The following AVPR1B variants were observed in gnomAD, a reference collection of about 807,000 sequenced individuals.
The protein encoded by AVPR1B is vasopressin V1b receptor.
A neutral mutation model predicts 27.5 loss-of-function variants in AVPR1B; 25 were observed. That is an observed-to-expected ratio of 0.91 (90% CI 0.66 to 1.27). AVPR1B has a LOEUF of 1.27. Among genes scored for constraint, AVPR1B ranks in the 50% most tolerant of loss-of-function variants. The pLI is 0.00. For missense variants in AVPR1B, 595 were observed against 556.9 expected (o/e 1.07, Z -0.69); for synonymous variants, 248 against 240.2 (o/e 1.03, Z -0.30).
Position 206,107,081 on chromosome 1 carries a change from A to T in AVPR1B, c.*3108T>A, listed in dbSNP as rs1663292187. ...ACAAAACACAGACACATTATCTGGG[A>T]AAGTACTGGCCTGTGCCAAACAACA... On this transcript the variant is annotated 3_prime_UTR_variant, in exon 2 of 2. Coordinates refer to ENST00000367126, the MANE Select transcript of AVPR1B (RefSeq NM_000707.5). 6.6e-6 allele frequency among the ~76,000 whole-genome samples: 1 copy of T among 152,228 alleles called. No individual in the cohort carries two copies. Among genetic ancestry groups the T allele is most frequent in the Admixed American group, 6.5e-5 (1 of 15,288 alleles).
In AVPR1B at chr1:206,107,214, A is replaced by G. The variant is rs554706648; in HGVS notation, c.*2975T>C. ...TTGTACATAGGTTTTAAGGGACTAA[A>G]GTACTGTCATTCACAGTCACAGGAT... On this transcript the variant is annotated 3_prime_UTR_variant, in exon 2 of 2. Transcript: ENST00000367126. 5.9e-5 allele frequency among the ~76,000 whole-genome samples: 9 copies of G among 152,312 alleles called. No homozygotes were observed. The South Asian group carries it at 1.9e-3, about 32-fold the overall frequency.
intron 1 of AVPR1B, among the ~76,000 whole-genome samples, chr1:206,113,380 G>A (rs1380076625): frequency 2.0e-5 from 3 of 152,212 alleles, no homozygotes; most frequent in African/African-American, 7.2e-5. Context: ...GGCATGCAGA[G>A]GAGGGGAACT....
intron 1 of AVPR1B, among the ~76,000 whole-genome samples, chr1:206,110,935 A>G (rs1663366477): frequency 6.6e-6 from 1 of 152,316 alleles, no homozygotes; most frequent in African/African-American, 2.4e-5. Flanking sequence ...AGGGAAAATA[A>G]CCAAGCTCAG....
chr1:206,111,458 A>T (rs1348107142), intron 1 of AVPR1B, among the ~76,000 whole-genome samples: 1 of 152,230 alleles, frequency 6.6e-6, no homozygotes, highest in East Asian at 1.9e-4. Flanking sequence ...TGGCATACTG[A>T]GTCACCTCAC....
intron 1 of AVPR1B, among the ~76,000 whole-genome samples, chr1:206,112,551 G>A (rs1340135629): frequency 2.0e-5 from 3 of 152,122 alleles, no homozygotes; most frequent in Non-Finnish European, 4.4e-5. Flanking sequence ...GTGTGATTAT[G>A]GCTCACTGCA....
In AVPR1B at chr1:206,116,321, G is replaced by A. The variant is rs782800538; in HGVS notation, c.570C>T (p.Phe190=). 30 of 1,613,544 alleles carry A rather than the reference G, an allele frequency of 1.9e-5. No homozygotes were observed. The highest frequency in any genetic ancestry group is 2.4e-5 in the Non-Finnish European group (28 of 1,180,038). ...AGGCCCGTGGCCCCCAAGGGAAGCC[G>A]AAGTCTGCCCAGCAGTCCAGCACCC... is the stretch of plus-strand genomic sequence containing the variant. ...GSGVLDCWAD[F]GFPWGPRAYL... Residue 190 remains phenylalanine (F), a synonymous_variant, in exon 1 of 2, where the codon TTC becomes TTT. Coordinates refer to ENST00000367126, the MANE Select transcript of AVPR1B (RefSeq NM_000707.5).
At chr1:206,114,997 C>T (rs551082144) in intron 1 of AVPR1B, among the ~76,000 whole-genome samples, 9 of 152,300 alleles carry the variant, frequency 5.9e-5, no homozygotes, top group Admixed American at 5.2e-4. Flanking sequence ...TCAGACCAAT[C>T]CAGTAAGGGG....
Position 206,116,021 on chromosome 1 carries a change from G to A in AVPR1B, c.870C>T (p.Tyr290=). 6.2e-7 allele frequency: 1 copy of A among 1,614,212 alleles called. No individual in the cohort carries two copies. Among genetic ancestry groups the A allele is most frequent in the East Asian group, 2.2e-5 (1 of 44,888 alleles). The part of the protein sequence containing the change: ...VKMTFVIVLA[Y]IACWAPFFSV... The stretch of plus-strand genomic sequence containing the variant: ...TGAAGAAGGGAGCCCAGCAAGCGAT[G>A]TAGGCCAGCACGATGACAAAGGTCA... The change falls in exon 1 of 2, where the codon TAC becomes TAT. Residue 290 remains tyrosine (Y), a synonymous_variant. Transcript: ENST00000367126.
At position 206,107,668 on chromosome 1, in the gene AVPR1B, CA is replaced by C. The variant is rs1488658951; in HGVS notation, c.*2520del. On this transcript the variant is annotated 3_prime_UTR_variant, in exon 2 of 2. Transcript: ENST00000367126. Reference sequence around the variant, plus strand: ...TTGTGCAATGCAAAACAGAAAATATCATAGTAGTAAGAGGGGATCTATAGAA... The same window carrying C: ...TTGTGCAATGCAAAACAGAAAATATCTAGTAGTAAGAGGGGATCTATAGAA... Among the ~76,000 whole-genome samples the C allele has an allele frequency of 3.9e-5, 6 of 152,202 alleles. No individual in the cohort carries two copies. The highest frequency in any genetic ancestry group is 4.1e-4 in the South Asian group (2 of 4,830).
intron 1 of AVPR1B, among the ~76,000 whole-genome samples, chr1:206,115,266 T>C (rs1663444535): frequency 6.6e-6 from 1 of 151,926 alleles, no homozygotes; most frequent in African/African-American, 2.4e-5. Flanking sequence ...AGGCCCAAAG[T>C]ACACCAAACT....
chr1:206,116,393 G>A lies in AVPR1B; in HGVS notation c.498C>T (p.Leu166=), dbSNP rs1438998853. The A allele has an allele frequency of 6.2e-7, 1 of 1,613,820 alleles. No individual in the cohort carries two copies. The highest frequency in any genetic ancestry group is 8.5e-7 in the Non-Finnish European group (1 of 1,180,058). The change falls in exon 1 of 2, where the codon CTC becomes CTT. Residue 166 remains leucine (L), a synonymous_variant. Transcript: ENST00000367126. ...APWLLAAIFS[L]PQVFIFSLRE... is the part of the protein sequence containing the mutation. ...GCAGGGAAAAAATGAAGACTTGAGG[G>A]AGGCTGAAGATGGCGGCCAGCAGCC...
chr1:206,115,555 G>C (rs1553290370), intron 1 of AVPR1B, among the ~76,000 whole-genome samples: 1 of 152,170 alleles, frequency 6.6e-6, no homozygotes, highest in Non-Finnish European at 1.5e-5. Context: ...GAGCTCAAAG[G>C]CATGTCCAGG....
In AVPR1B at chr1:206,116,266, C is replaced by A; in HGVS notation, c.625G>T (p.Val209Phe). 14 of 1,613,584 alleles carry A rather than the reference C, an allele frequency of 8.7e-6. No individual in the cohort carries two copies. Among genetic ancestry groups the A allele is most frequent in the Non-Finnish European group, 1.0e-5 (12 of 1,180,040 alleles). The change falls in exon 1 of 2, where the codon GTT becomes TTT. Residue 209 changes from valine to phenylalanine, a missense_variant. By Grantham distance (50) the Val-to-Phe change is conservative. Coordinates refer to ENST00000367126, the MANE Select transcript of AVPR1B (RefSeq NM_000707.5). ...YLTWTTLAIFVLPVTMLTACY... is the reference protein window; with the variant it reads ...YLTWTTLAIFFLPVTMLTACY... ...GCCGTGAGCATGGTCACCGGCAGAA[C>A]GAAGATAGCCAGGGTGGTCCAGGTG... is the stretch of plus-strand genomic sequence containing the variant.
Position 206,107,490 on chromosome 1 carries a change from T to G in AVPR1B, c.*2699A>C, listed in dbSNP as rs374719842. On this transcript the variant is annotated 3_prime_UTR_variant, in exon 2 of 2. Coordinates refer to ENST00000367126, the MANE Select transcript of AVPR1B (RefSeq NM_000707.5). ...TCCACCATTTCCTTCAGGAGCTTCC[T>G]GGAATGGGTTCCCGAGGCCCTCAGC... Among the ~76,000 whole-genome samples, 2 of 152,188 alleles carry G rather than the reference T, an allele frequency of 1.3e-5. No homozygotes were observed. Among genetic ancestry groups the G allele is most frequent in the Non-Finnish European group, 2.9e-5 (2 of 68,038 alleles).
rs367891279 is a variant in AVPR1B, at chr1:206,110,357, G to A, written c.1107C>T (p.Asp369=). Residue 369 remains aspartate, a synonymous_variant, in exon 2 of 2, where the codon GAC becomes GAT. Coordinates refer to ENST00000367126, the MANE Select transcript of AVPR1B (RefSeq NM_000707.5). The part of the protein sequence containing the change: ...PQPRMRRRLS[D]GSLSSRHTTL... The stretch of plus-strand genomic sequence containing the variant: ...TGGTGTGGCGGCTCGAGAGGCTGCC[G>A]TCGGAGAGCCGCCGGCGCATCCTGG... The A allele has an allele frequency of 1.6e-5, 25 of 1,609,370 alleles. No individual in the cohort carries two copies. The highest frequency in any genetic ancestry group is 4.5e-5 in the East Asian group (2 of 44,758).
Position 206,107,330 on chromosome 1 carries a change from G to A in AVPR1B, c.*2859C>T, listed in dbSNP as rs1663295392. Among the ~76,000 whole-genome samples, 1 of 152,196 alleles carries A rather than the reference G, an allele frequency of 6.6e-6. No homozygotes were observed. Among genetic ancestry groups the A allele is most frequent in the Non-Finnish European group, 1.5e-5 (1 of 68,030 alleles). ...CGTCAGAAATGGGATTCACCCCAGA[G>A]AGCACAGAGCCTCCTTCTTGCTTCC... is the stretch of plus-strand genomic sequence containing the variant. On this transcript the variant is annotated 3_prime_UTR_variant, in exon 2 of 2. Transcript: ENST00000367126.
At position 206,116,475 on chromosome 1, in the gene AVPR1B, G is replaced by A; in HGVS notation, c.416C>T (p.Pro139Leu). Residue 139 changes from proline (P) to leucine (L), a missense_variant, in exon 1 of 2, where the codon CCC becomes CTC. Transcript: ENST00000367126. ...GCCTGGCTGCTGGAGGCTGCGCAGGGGGTGACAGACAGCCAGGTAGCGGTC... is the reference window on the plus strand; with the variant it reads ...GCCTGGCTGCTGGAGGCTGCGCAGGAGGTGACAGACAGCCAGGTAGCGGTC... Reference protein sequence around the residue: ...TLDRYLAVCHPLRSLQQPGQS... With the variant: ...TLDRYLAVCHLLRSLQQPGQS... 1 of 1,614,006 alleles carries A rather than the reference G, an allele frequency of 6.2e-7. No homozygotes were observed. Among genetic ancestry groups the A allele is most frequent in the Non-Finnish European group, 8.5e-7 (1 of 1,180,010 alleles).
chr1:206,108,607 A>G lies in AVPR1B; in HGVS notation c.*1582T>C, dbSNP rs1663319442. The stretch of plus-strand genomic sequence containing the variant: ...GCTCATGACTTTACAAATGACTTTT[A>G]TATCCACAGTCCTATTTGATTCTCA... On this transcript the variant is annotated 3_prime_UTR_variant, in exon 2 of 2. Coordinates refer to ENST00000367126, the MANE Select transcript of AVPR1B (RefSeq NM_000707.5). 6.6e-6 allele frequency among the ~76,000 whole-genome samples: 1 copy of G among 152,218 alleles called. No homozygotes were observed. The highest frequency in any genetic ancestry group is 1.5e-5 in the Non-Finnish European group (1 of 68,032).
chr1:206,112,712 C>G (rs1443313568), intron 1 of AVPR1B, among the ~76,000 whole-genome samples: 1 of 152,014 alleles, frequency 6.6e-6, no homozygotes, highest in African/African-American at 2.4e-5. Flanking sequence ...TGGTTTTGAA[C>G]TCTTGGAATC....
Sources: allele counts gnomAD v4.1 joint callset (sites outside exome capture counted in the v4.1 genomes callset), GRCh38; gene constraint gnomAD v4.1.1; transcripts MANE v1.5; gene names NCBI Gene and HGNC (gene_info 2026-07-23, HGNC 2026-07-21).